The following PDZRN4 variants were observed in gnomAD, a reference collection of about 807,000 sequenced individuals.
The protein encoded by PDZRN4 is PDZ domain containing ring finger 4, also known as PDZ domain-containing RING finger protein 4.
In PDZRN4, 70 loss-of-function variants were observed where a neutral mutation model predicts 99.0. The ratio of observed to expected loss-of-function variants is 0.71; its 90% confidence interval spans 0.58 to 0.86. The LOEUF (loss-of-function observed/expected upper bound fraction) is 0.86, where lower values mean the gene tolerates loss of function less well. PDZRN4 is among the 40% of genes least tolerant of loss of function. The probability of loss-of-function intolerance (pLI) is 0.00; values close to 1 mark genes in which losing one functional copy is unlikely to be tolerated. For synonymous variants in PDZRN4, 551 were observed against 501.6 expected, an observed-to-expected ratio of 1.10 and a Z score of -1.32; for missense variants, 1,474 against 1,331.2, an observed-to-expected ratio of 1.11 and a Z score of -1.67.
intron 3 of PDZRN4, among the ~76,000 whole-genome samples, chr12:41,430,101 A>G (rs1369373456): frequency 6.6e-6 from 1 of 152,216 alleles, no homozygotes; most frequent in Non-Finnish European, 1.5e-5. Flanking sequence ...TTATGATTGC[A>G]AGAAATCTTG....
In PDZRN4 at chr12:41,572,692, G is replaced by C. The variant is rs138042494; in HGVS notation, c.1913G>C (p.Arg638Pro). Residue 638 changes from arginine to proline, a missense_variant, in exon 10 of 10, where the codon CGA (arginine) becomes CCA (proline). Transcript: ENST00000402685. ...RQLLELKCKIRNHGEYDLYYS... is the reference protein window; with the variant it reads ...RQLLELKCKIPNHGEYDLYYS... The stretch of plus-strand genomic sequence containing the variant: ...CTCTTGGAGCTCAAATGCAAGATTC[G>C]AAATCATGGAGAGTATGACCTGTAT... 1 of 1,614,140 alleles carries C rather than the reference G, an allele frequency of 6.2e-7. No homozygotes were observed. Among genetic ancestry groups the C allele is most frequent in the East Asian group, 2.2e-5 (1 of 44,874 alleles).
At position 41,453,075 on chromosome 12, in the gene PDZRN4, C is replaced by T. The variant is rs1036956283; in HGVS notation, c.844-53381C>T. 2.0e-5 allele frequency among the ~76,000 whole-genome samples: 3 copies of T among 152,170 alleles called. No homozygotes were observed. In the South Asian group the frequency reaches 6.2e-4, roughly 32 times the overall value. On this transcript the variant is annotated intron_variant, in intron 3 of 9. Transcript: ENST00000402685. ...ACTGGAATGGCCTGTCAGAGTTGTC[C>T]GGAGCCAGGCAAAAGAGCCATGCCA...
intron 5 of PDZRN4, among the ~76,000 whole-genome samples, chr12:41,549,864 A>G (rs570343588): frequency 1.4e-4 from 21 of 152,314 alleles, no homozygotes; most frequent in African/African-American, 5.1e-4. Flanking sequence ...AAGGACTCCA[A>G]GGAGCTGAAA....
chr12:41,281,656 C>T (rs780218785), intron 3 of PDZRN4, among the ~76,000 whole-genome samples: 27 of 152,110 alleles, frequency 1.8e-4, no homozygotes, highest in Non-Finnish European at 2.5e-4. Flanking sequence ...AGCATGAAGG[C>T]AAGATCAGAG....
intron 3 of PDZRN4, among the ~76,000 whole-genome samples, chr12:41,442,119 CT>C (rs1952684835): frequency 6.6e-6 from 1 of 152,078 alleles, no homozygotes; most frequent in Non-Finnish European, 1.5e-5. Context: ...TCTTGAGTGG[CT>C]TCTAGGTTTC....
intron 3 of PDZRN4, among the ~76,000 whole-genome samples, chr12:41,222,425 A>C (rs1950961473): frequency 6.6e-6 from 1 of 152,182 alleles, no homozygotes; most frequent in Admixed American, 6.5e-5. Flanking sequence ...GGTCACACAG[A>C]AATGAGAAAA....
At chr12:41,434,845 G>T (rs1952615493) in intron 3 of PDZRN4, among the ~76,000 whole-genome samples, 1 of 152,130 alleles carries the variant, frequency 6.6e-6, no homozygotes, top group Non-Finnish European at 1.5e-5. Flanking sequence ...GCCCAAGACA[G>T]ATAATATCTG....
At chr12:41,518,415 TG>T (rs1565604395) in intron 5 of PDZRN4, among the ~76,000 whole-genome samples, 2 of 152,068 alleles carry the variant, frequency 1.3e-5, no homozygotes, top group Admixed American at 1.3e-4. Context: ...TTGCCATTTT[TG>T]GGGGTTTCAG....
intron 3 of PDZRN4, among the ~76,000 whole-genome samples, chr12:41,391,223 G>C (rs1460171638): frequency 6.6e-6 from 1 of 152,196 alleles, no homozygotes. Flanking sequence ...GAGGCACTCT[G>C]TCAATACCTG....
At chr12:41,192,952 T>C (rs1288302500) in intron 2 of PDZRN4, among the ~76,000 whole-genome samples, 1 of 152,252 alleles carries the variant, frequency 6.6e-6, no homozygotes, top group African/African-American at 2.4e-5. Context: ...AAAAATGATG[T>C]TCTTTAATTT....
chr12:41,427,697 G>T (rs532902465), intron 3 of PDZRN4, among the ~76,000 whole-genome samples: 16 of 152,098 alleles, frequency 1.1e-4, no homozygotes, highest in Non-Finnish European at 2.4e-4. Context: ...ACCATATGAG[G>T]ACCATTTTCA....
intron 3 of PDZRN4, among the ~76,000 whole-genome samples, chr12:41,401,847 A>G (rs1327472297): frequency 6.6e-6 from 1 of 151,802 alleles, no homozygotes; most frequent in African/African-American, 2.4e-5. Flanking sequence ...AGACCGTGCC[A>G]AAACAGCCAA....
At chr12:41,194,759 C>A (rs1950760898) in intron 3 of PDZRN4, among the ~76,000 whole-genome samples, 1 of 152,126 alleles carries the variant, frequency 6.6e-6, no homozygotes, top group Non-Finnish European at 1.5e-5. Flanking sequence ...GTTTTAATAA[C>A]CTGTGTTTCC....
chr12:41,504,025 C>T (rs1938158112), intron 3 of PDZRN4, among the ~76,000 whole-genome samples: 2 of 152,136 alleles, frequency 1.3e-5, no homozygotes, highest in Admixed American at 6.6e-5. Flanking sequence ...AATCCCAGCA[C>T]TTTGGGAGGC....
chr12:41,526,845 A>C (rs1938576406), intron 5 of PDZRN4, among the ~76,000 whole-genome samples: 1 of 152,218 alleles, frequency 6.6e-6, no homozygotes, highest in South Asian at 2.1e-4. Flanking sequence ...TTGCTCTTAC[A>C]TCCAAAGATT....
At chr12:41,270,708 G>A (rs1001001526) in intron 3 of PDZRN4, among the ~76,000 whole-genome samples, 2 of 151,928 alleles carry the variant, frequency 1.3e-5, no homozygotes, top group African/African-American at 4.8e-5. Context: ...TATCCTAACA[G>A]GATAGAGATG....
At chr12:41,533,146 T>G (rs1938689150) in intron 5 of PDZRN4, among the ~76,000 whole-genome samples, 1 of 151,904 alleles carries the variant, frequency 6.6e-6, no homozygotes, top group Admixed American at 6.6e-5. Context: ...TCAGAAATAT[T>G]TATTTCTTCC....
chr12:41,442,752 A>C (rs1278149743), intron 3 of PDZRN4, among the ~76,000 whole-genome samples: 2 of 152,134 alleles, frequency 1.3e-5, no homozygotes, highest in Non-Finnish European at 2.9e-5. Context: ...GCAAGGGTAC[A>C]AAGGAATGTT....
In PDZRN4 at chr12:41,358,015, T is replaced by C. The variant is rs115649987; in HGVS notation, c.844-148441T>C. Among the ~76,000 whole-genome samples the C allele has an allele frequency of 3.1e-3, 467 of 152,138 alleles. 3 individuals are homozygous for C. Among genetic ancestry groups the C allele is most frequent in the African/African-American group, 0.011 (444 of 41,532 alleles). ...CATTGGCTGATATTGTTACTCTGCC[T>C]CTTGCTTTGGAGACAATCATAAGTG... On this transcript the variant is annotated intron_variant, in intron 3 of 9. Coordinates refer to ENST00000402685, the MANE Select transcript of PDZRN4 (RefSeq NM_001164595.2).
Sources: gnomAD v4.1 joint callset for allele counts (sites outside exome capture counted in the v4.1 genomes callset) on GRCh38, gnomAD v4.1.1 for gene constraint, MANE v1.5 for transcripts, NCBI Gene and HGNC (gene_info 2026-07-23, HGNC 2026-07-21) for gene names.